Variants in GALNT7 observed in about 807,000 individuals in gnomAD.
GALNT7 encodes polypeptide N-acetylgalactosaminyltransferase 7.
A neutral mutation model predicts 82.1 loss-of-function variants in GALNT7; 60 were observed. That is an observed-to-expected ratio of 0.73 (90% CI 0.59 to 0.91). The LOEUF is 0.91. Among genes scored for constraint, GALNT7 ranks in the 40% least tolerant of loss-of-function variants. The probability of loss-of-function intolerance (pLI) is 0.00; values close to 1 mark genes in which losing one functional copy is unlikely to be tolerated. For missense variants in GALNT7, 660 were observed against 804.2 expected, an observed-to-expected ratio of 0.82 and a Z score of 2.17; for synonymous variants, 243 against 275.1, an observed-to-expected ratio of 0.88 and a Z score of 1.15.
Position 173,320,729 on chromosome 4 carries a change from G to C in GALNT7, c.1837-851G>C, listed in dbSNP as rs1020042824. ...TTCCAGTGTAGACTGATATCCTTGA[G>C]CATTGTACCTCATTATATGGAAGTA... On this transcript the variant is annotated intron_variant, in intron 11 of 11. Transcript: ENST00000265000. The surrounding 1 kb of genome is among the most constrained non-coding windows in gnomAD (Gnocchi z 4.1). Among the ~76,000 whole-genome samples, 1 of 152,074 alleles carries C rather than the reference G, an allele frequency of 6.6e-6. No individual in the cohort carries two copies. The highest frequency in any genetic ancestry group is 2.1e-4 in the South Asian group (1 of 4,824).
intron 2 of GALNT7, among the ~76,000 whole-genome samples, chr4:173,284,183 C>A (rs1312129171): frequency 6.6e-6 from 1 of 152,146 alleles, no homozygotes; most frequent in Non-Finnish European, 1.5e-5. Flanking sequence ...TTACATTTTT[C>A]TATTATCAGA....
At chr4:173,312,044 T>G (rs1160203013) in intron 8 of GALNT7, among the ~76,000 whole-genome samples, 1 of 152,244 alleles carries the variant, frequency 6.6e-6, no homozygotes, top group Non-Finnish European at 1.5e-5. Flanking sequence ...CATTTGTTTG[T>G]GTATTATCTA....
intron 1 of GALNT7, among the ~76,000 whole-genome samples, chr4:173,187,309 AT>A (rs1463688103): frequency 1.3e-5 from 2 of 151,874 alleles, no homozygotes; most frequent in East Asian, 1.9e-4. Context: ...TTGTTAGGAT[AT>A]GTATAGATTT....
At chr4:173,169,875 C>T (rs1210877492) in intron 1 of GALNT7, among the ~76,000 whole-genome samples, 1 of 152,024 alleles carries the variant, frequency 6.6e-6, no homozygotes, top group East Asian at 1.9e-4. Flanking sequence ...CCCGCGCCGG[C>T]TGCCGGCTAG....
intron 2 of GALNT7, among the ~76,000 whole-genome samples, chr4:173,277,484 G>A (rs1271742686): frequency 6.6e-6 from 1 of 152,218 alleles, no homozygotes; most frequent in East Asian, 1.9e-4. Context: ...AGTTTGCAGA[G>A]AAGGACTCTG....
At chr4:173,197,429 C>G (rs1217289052) in intron 1 of GALNT7, among the ~76,000 whole-genome samples, 2 of 152,076 alleles carry the variant, frequency 1.3e-5, no homozygotes, top group East Asian at 3.8e-4. Flanking sequence ...AAGTAATTTA[C>G]TTGTTAATCA....
At chr4:173,253,112 G>C (rs962740177) in intron 2 of GALNT7, among the ~76,000 whole-genome samples, 1 of 152,004 alleles carries the variant, frequency 6.6e-6, no homozygotes, top group Non-Finnish European at 1.5e-5. Flanking sequence ...TGAGGTGAGA[G>C]GATCCCTTGA....
At chr4:173,297,408 A>G (rs1162681394) in intron 5 of GALNT7, among the ~76,000 whole-genome samples, 1 of 152,202 alleles carries the variant, frequency 6.6e-6, no homozygotes, top group African/African-American at 2.4e-5. Context: ...CCCCACACAC[A>G]CGCACACGCA....
intron 1 of GALNT7, among the ~76,000 whole-genome samples, chr4:173,247,698 A>G (rs546040385): frequency 5.3e-4 from 81 of 152,326 alleles, no homozygotes; most frequent in Non-Finnish European, 1.0e-3. Context: ...TGCTTTATTA[A>G]GAGGTCTTTG....
At chr4:173,222,775 T>C (rs975246780) in intron 1 of GALNT7, among the ~76,000 whole-genome samples, 4 of 152,194 alleles carry the variant, frequency 2.6e-5, no homozygotes, top group African/African-American at 9.7e-5. Flanking sequence ...GGCTGTACAA[T>C]GGGATTTGTG....
intron 1 of GALNT7, among the ~76,000 whole-genome samples, chr4:173,186,332 G>T (rs889444960): frequency 6.6e-6 from 1 of 152,224 alleles, no homozygotes; most frequent in African/African-American, 2.4e-5. Flanking sequence ...CATGGACTCT[G>T]ACATGGGTTA....
chr4:173,246,955 T>A (rs1734657771), intron 1 of GALNT7, among the ~76,000 whole-genome samples: 1 of 152,120 alleles, frequency 6.6e-6, no homozygotes, highest in Admixed American at 6.6e-5. Context: ...ATAATCCCCT[T>A]GTCTAATTAT....
At chr4:173,178,042 T>TGCGC (rs1238471074) in intron 1 of GALNT7, among the ~76,000 whole-genome samples, 3 of 117,614 alleles carry the variant, frequency 2.6e-5, no homozygotes, top group South Asian at 2.9e-4. Flanking sequence ...TGTGTGTGTG[T>TGCGC]GTGTGTGTGT....
At chr4:173,219,730 T>G (rs1733584081) in intron 1 of GALNT7, among the ~76,000 whole-genome samples, 1 of 152,212 alleles carries the variant, frequency 6.6e-6, no homozygotes, top group South Asian at 2.1e-4. Context: ...TGATTTGCAT[T>G]TCCCTCATAA....
At chr4:173,266,903 G>GTA (rs1368834231) in intron 2 of GALNT7, among the ~76,000 whole-genome samples, 2 of 150,554 alleles carry the variant, frequency 1.3e-5, no homozygotes, top group African/African-American at 4.9e-5. Context: ...GTGTGTGTGT[G>GTA]TGTGTGTGTG....
At chr4:173,312,277 G>A (rs1009789031) in intron 8 of GALNT7, among the ~76,000 whole-genome samples, 1 of 152,206 alleles carries the variant, frequency 6.6e-6, no homozygotes, top group South Asian at 2.1e-4. Flanking sequence ...ATTTATTCAC[G>A]ATTCTGGTGG....
chr4:173,272,246 C>T (rs975021407), intron 2 of GALNT7, among the ~76,000 whole-genome samples: 4 of 152,012 alleles, frequency 2.6e-5, no homozygotes, highest in African/African-American at 9.7e-5. Context: ...TAATGGTCTC[C>T]CCCTGTATAT....
At chr4:173,184,865 G>T (rs72994588) in intron 1 of GALNT7, among the ~76,000 whole-genome samples, 2,459 of 152,226 alleles carry the variant, frequency 0.016, 66 homozygotes, top group Admixed American at 0.065. Context: ...AGCTGTCTAT[G>T]AGCATTGGGC....
intron 5 of GALNT7, 108 bp downstream of exon 5, chr4:173,295,951 G>A: frequency 2.8e-6 from 2 of 722,008 alleles, no homozygotes; most frequent in South Asian, 3.0e-5. Flanking sequence ...TGCATCGAGT[G>A]TGCTTTAGTG....
Sources: allele counts gnomAD v4.1 joint callset (sites outside exome capture counted in the v4.1 genomes callset), GRCh38; gene constraint gnomAD v4.1.1; non-coding constraint Gnocchi (gnomAD v3.1); transcripts MANE v1.5; gene names NCBI Gene and HGNC (gene_info 2026-07-23, HGNC 2026-07-21).